Variants in C1QTNF8 observed in about 807,000 individuals in gnomAD.
The protein encoded by C1QTNF8 is complement C1q tumor necrosis factor-related protein 8.
In C1QTNF8, 27 loss-of-function variants were observed where a neutral mutation model predicts 19.2. That is an observed-to-expected ratio of 1.41 (90% CI 1.04 to 1.94). The LOEUF is 1.94. Ranked by LOEUF, C1QTNF8 falls within the 30% of genes most tolerant of loss-of-function variation. The pLI is 0.00. For missense variants in C1QTNF8, 484 were observed against 374.4 expected, an observed-to-expected ratio of 1.29 and a Z score of -2.42; for synonymous variants, 208 against 172.8, an observed-to-expected ratio of 1.20 and a Z score of -1.60.
chr16:1,089,615 C>G lies in C1QTNF8; in HGVS notation c.*984G>C, dbSNP rs2151563590. On this transcript the variant is annotated 3_prime_UTR_variant, in exon 5 of 5. Coordinates refer to ENST00000328449, the MANE Select transcript of C1QTNF8 (RefSeq NM_207419.3). ...GCAGCCTGGCTCTGCCTGCGTGGCA[C>G]TGGGTGTCCTCACTTGGGAACGGGC... 6.6e-6 allele frequency among the ~76,000 whole-genome samples: 1 copy of G among 152,322 alleles called. No homozygotes were observed.
intron 1 of C1QTNF8, among the ~76,000 whole-genome samples, 177 bp from the exon 2 acceptor site, chr16:1,095,965 G>A (rs755494309): frequency 1.3e-5 from 2 of 152,070 alleles, no homozygotes; most frequent in Admixed American, 6.5e-5. Flanking sequence ...GTGCATGCAC[G>A]GAGGCCTGCA....
rs371241228 is a variant in C1QTNF8, at chr16:1,094,728, G to T, written c.195C>A (p.Ile65=). ...CACGGGCCTCACCTTTGAGGATTTC[G>T]ATGTCTATAGTGGGCCGTACTCGAG... ...GLPRVRPTID[I]EILKGEKGEA... is the part of the protein sequence containing the mutation. The change falls in exon 3 of 5, where the codon ATC becomes ATA. Residue 65 remains isoleucine (I), a synonymous_variant. Transcript: ENST00000328449. The T allele has an allele frequency of 1.3e-6, 2 of 1,590,338 alleles. No individual in the cohort carries two copies. Among genetic ancestry groups the T allele is most frequent in the Non-Finnish European group, 8.6e-7 (1 of 1,169,450 alleles).
In C1QTNF8 at chr16:1,091,389, C is replaced by T. The variant is rs546306531; in HGVS notation, c.*5-795G>A. On this transcript the variant is annotated intron_variant, in intron 4 of 4. Coordinates refer to ENST00000328449, the MANE Select transcript of C1QTNF8 (RefSeq NM_207419.3). ...GCACACCAAGGAGGAGGAGGCGGTG[C>T]GTGGGAGGCTGGGCCGGAGGGGCTG... Among the ~76,000 whole-genome samples the T allele has an allele frequency of 2.3e-3, 357 of 152,054 alleles. 2 individuals are homozygous for T. The highest frequency in any genetic ancestry group is 8.1e-3 in the African/African-American group (337 of 41,476).
rs1449573170 is a variant in C1QTNF8 at position 1,089,210 on chromosome 16, GGCT to G, written c.*1386_*1388del. On this transcript the variant is annotated 3_prime_UTR_variant, in exon 5 of 5. Transcript: ENST00000328449. ...TGGCCCTGGGGTGGTCCGGACCCCT[GGCT>G]CCCATCTCCCATCCAGCCCTGCTCT... Among the ~76,000 whole-genome samples the G allele has an allele frequency of 6.6e-6, 1 of 152,096 alleles. No individual in the cohort carries two copies. The highest frequency in any genetic ancestry group is 1.5e-5 in the Non-Finnish European group (1 of 67,974).
chr16:1,093,772 A>G lies in C1QTNF8; in HGVS notation c.488T>C (p.Val163Ala), dbSNP rs756857436. Residue 163 changes from valine to alanine, a missense_variant, in exon 4 of 5, where the codon GTC (valine) becomes GCC (alanine). Transcript: ENST00000328449. ...GTGCACGTTGAGGCTGAGGAAGTAG[A>G]CGCCGGGCACCGTGCAGAGGAAGCG... The part of the protein sequence containing the change: ...AGRFLCTVPG[V>A]YFLSLNVHTW... The G allele has an allele frequency of 1.1e-4, 179 of 1,611,880 alleles. No homozygotes were observed. Among genetic ancestry groups the G allele is most frequent in the Non-Finnish European group, 1.4e-4 (170 of 1,179,652 alleles).
At position 1,088,596 on chromosome 16, in the gene C1QTNF8, C is replaced by A. The variant is rs1415781544; in HGVS notation, c.*2003G>T. The stretch of plus-strand genomic sequence containing the variant: ...AGAGAATCGTGACCGTATCTTATCT[C>A]ACTTTCAGTTCTCAGTCATTGTTTT... On this transcript the variant is annotated 3_prime_UTR_variant, in exon 5 of 5. Coordinates refer to ENST00000328449, the MANE Select transcript of C1QTNF8 (RefSeq NM_207419.3). Among the ~76,000 whole-genome samples, 1 of 152,234 alleles carries A rather than the reference C, an allele frequency of 6.6e-6. No homozygotes were observed. The highest frequency in any genetic ancestry group is 6.5e-5 in the Admixed American group (1 of 15,284).
At chr16:1,091,314 G>A (rs1290498736) in intron 4 of C1QTNF8, among the ~76,000 whole-genome samples, 1 of 152,124 alleles carries the variant, frequency 6.6e-6, no homozygotes, top group East Asian at 1.9e-4. Context: ...TGGCTGAGCT[G>A]CTCCTGATGC....
rs1960515868 is a variant in C1QTNF8 at position 1,090,197 on chromosome 16, C to A, written c.*402G>T. ...AAGGTGGGACTTGAGTACGGGGCCA[C>A]TTGGGGGTGCTGAGGGGCAGCCTGG... On this transcript the variant is annotated 3_prime_UTR_variant, in exon 5 of 5. Transcript: ENST00000328449. 1 of 152,404 alleles carries A rather than the reference C, an allele frequency of 6.6e-6. No individual in the cohort carries two copies. Among genetic ancestry groups the A allele is most frequent in the Non-Finnish European group, 1.5e-5 (1 of 68,214 alleles). The allele number at this position is 152,404 out of a possible 1,614,324, so 9.4% of individuals were successfully genotyped here. A position where few individuals can be genotyped will look rare whatever the true frequency, so the allele number is the denominator to read the frequency against.
chr16:1,094,654 A>C, intron 3 of C1QTNF8, 61 bp downstream of exon 3: 1 of 1,427,684 alleles, frequency 7.0e-7, no homozygotes, highest in Middle Eastern at 1.9e-4. Flanking sequence ...GGTGCTCCCC[A>C]CTCCCTGTGG....
chr16:1,094,087 G>C, intron 3 of C1QTNF8, 36 bp from the exon 4 acceptor site: 1 of 1,385,316 alleles, frequency 7.2e-7, no homozygotes, highest in Non-Finnish European at 9.3e-7. Context: ...GGTCGGGGCC[G>C]GGCTGGGCAG....
At chr16:1,093,326 G>T (rs879745666) in intron 4 of C1QTNF8, among the ~76,000 whole-genome samples, 171 bp downstream of exon 4, 3 of 147,892 alleles carry the variant, frequency 2.0e-5, no homozygotes, top group Non-Finnish European at 4.4e-5. Flanking sequence ...CACACAGTCA[G>T]CGCTCAACAA....
intron 4 of C1QTNF8, among the ~76,000 whole-genome samples, chr16:1,093,293 A>C (rs1960596417): frequency 7.1e-6 from 1 of 141,296 alleles, no homozygotes; most frequent in Non-Finnish European, 1.5e-5. Context: ...CACTGCACAC[A>C]GTCGGCGCTC....
rs1960616328 is a variant in C1QTNF8 at position 1,093,672 on chromosome 16, G to C, written c.588C>G (p.Pro196=). The part of the protein sequence containing the change: ...RRPAAVLYAQ[P]SERSVMQAQS... ...GGGCCTGCATGACGCTGCGCTCGCT[G>C]GGCTGCGCGTAGAGCACGGCCGCGG... Residue 196 remains proline, a synonymous_variant, in exon 4 of 5, where the codon CCC becomes CCG. Coordinates refer to ENST00000328449, the MANE Select transcript of C1QTNF8 (RefSeq NM_207419.3). 6.2e-7 allele frequency: 1 copy of C among 1,610,242 alleles called. No individual in the cohort carries two copies. Among genetic ancestry groups the C allele is most frequent in the Non-Finnish European group, 8.5e-7 (1 of 1,178,348 alleles).
rs534591122 is a variant in C1QTNF8, at chr16:1,090,510, C to T, written c.*89G>A. On this transcript the variant is annotated 3_prime_UTR_variant, in exon 5 of 5. Coordinates refer to ENST00000328449, the MANE Select transcript of C1QTNF8 (RefSeq NM_207419.3). ...CACCATCTCCCAAGGGCAGGGCACCCTCTGTCCCAGGACAGGAGTGAGGCG... is the reference window on the plus strand; with the variant it reads ...CACCATCTCCCAAGGGCAGGGCACCTTCTGTCCCAGGACAGGAGTGAGGCG... The T allele has an allele frequency of 1.6e-4, 25 of 152,440 alleles. No individual in the cohort carries two copies. Among genetic ancestry groups the T allele is most frequent in the African/African-American group, 6.0e-4 (25 of 41,570 alleles). 9.4% of individuals were successfully genotyped at this position (152,440 alleles called of 1,614,324 possible).
Position 1,094,710 on chromosome 16 carries a change from C to G in C1QTNF8, c.208+5G>C, listed in dbSNP as rs775019193. On this transcript the variant is annotated splice_donor_5th_base_variant and intron_variant, in intron 3 of 4. Coordinates refer to ENST00000328449, the MANE Select transcript of C1QTNF8 (RefSeq NM_207419.3). Reference sequence around the variant, plus strand: ...GAGCATGCAGGCAGCACCCACGGGCCTCACCTTTGAGGATTTCGATGTCTA... The same window carrying G: ...GAGCATGCAGGCAGCACCCACGGGCGTCACCTTTGAGGATTTCGATGTCTA... The G allele has an allele frequency of 1.9e-6, 3 of 1,594,630 alleles. No homozygotes were observed. Among genetic ancestry groups the G allele is most frequent in the East Asian group, 4.7e-5 (2 of 42,200 alleles).
intron 4 of C1QTNF8, 98 bp downstream of exon 4, chr16:1,093,383 ACCACACCCACACCCAC>A (rs1960599447): frequency 1.6e-5 from 2 of 123,716 alleles, no homozygotes; most frequent in Non-Finnish European, 1.4e-5. Flanking sequence ...CGCCCACCCC[ACCACACCCACACCCAC>A]CCACACACAC....
Position 1,088,419 on chromosome 16 carries a change from G to A in C1QTNF8, c.*2180C>T, listed in dbSNP as rs1960478810. ...CGGGCCGACCACGGGGGTGCCCGGT[G>A]CGGTTCTGATGGGGTGGCTCCCCCT... On this transcript the variant is annotated 3_prime_UTR_variant, in exon 5 of 5. Coordinates refer to ENST00000328449, the MANE Select transcript of C1QTNF8 (RefSeq NM_207419.3). 6.6e-6 allele frequency among the ~76,000 whole-genome samples: 1 copy of A among 152,204 alleles called. No individual in the cohort carries two copies. The highest frequency in any genetic ancestry group is 1.5e-5 in the Non-Finnish European group (1 of 68,038).
intron 4 of C1QTNF8, among the ~76,000 whole-genome samples, chr16:1,092,043 T>A (rs1373785892): frequency 6.6e-6 from 1 of 152,158 alleles, no homozygotes; most frequent in Non-Finnish European, 1.5e-5. Flanking sequence ...TGAGGGCGAG[T>A]ACCTGGGTGA....
Position 1,089,340 on chromosome 16 carries a change from C to A in C1QTNF8, c.*1259G>T, listed in dbSNP as rs1285231579. ...CTTCAAGCACCTGCCACACTTGACC[C>A]CAACAGGCTCCTCCTGGGGATCCCC... On this transcript the variant is annotated 3_prime_UTR_variant, in exon 5 of 5. Coordinates refer to ENST00000328449, the MANE Select transcript of C1QTNF8 (RefSeq NM_207419.3). Among the ~76,000 whole-genome samples, 1 of 152,170 alleles carries A rather than the reference C, an allele frequency of 6.6e-6. No homozygotes were observed. Among genetic ancestry groups the A allele is most frequent in the Non-Finnish European group, 1.5e-5 (1 of 68,026 alleles).
Sources: gnomAD v4.1 joint callset for allele counts (sites outside exome capture counted in the v4.1 genomes callset) on GRCh38, gnomAD v4.1.1 for gene constraint, MANE v1.5 for transcripts, NCBI Gene and HGNC (gene_info 2026-07-23, HGNC 2026-07-21) for gene names.